SLC4A5: variants seen among roughly 807,000 people sequenced by gnomAD.
The protein encoded by SLC4A5 is electrogenic sodium bicarbonate cotransporter 4.
In SLC4A5, 96 loss-of-function variants were observed where a neutral mutation model predicts 120.4. That is an observed-to-expected ratio of 0.80 (90% CI 0.68 to 0.94). The LOEUF is 0.94. Ranked by LOEUF, SLC4A5 falls within the 40% of genes least tolerant of loss-of-function variation. The pLI, the probability that SLC4A5 is intolerant of heterozygous loss-of-function variation, is 0.00. For missense variants in SLC4A5, 1,259 were observed against 1,459.5 expected, an observed-to-expected ratio of 0.86 and a Z score of 2.24; for synonymous variants, 550 against 571.1, an observed-to-expected ratio of 0.96 and a Z score of 0.53.
chr2:74,331,264 A>T (rs1282325890), intron 4 of SLC4A5, among the ~76,000 whole-genome samples: 1 of 150,404 alleles, frequency 6.6e-6, no homozygotes, highest in Non-Finnish European at 1.5e-5. Context: ...TGAGGTCTAG[A>T]TGGAGGTGGT....
At chr2:74,291,308 G>A (rs1427527378) in intron 7 of SLC4A5, among the ~76,000 whole-genome samples, 3 of 152,352 alleles carry the variant, frequency 2.0e-5, no homozygotes, top group Admixed American at 6.5e-5. Flanking sequence ...CCTGGGTTTG[G>A]TTTAACAAGT....
intron 22 of SLC4A5, 136 bp from the exon 23 acceptor site, chr2:74,233,699 A>C (rs1573009576): frequency 9.9e-6 from 10 of 1,005,656 alleles, no homozygotes; most frequent in Non-Finnish European, 1.3e-5. Context: ...TCCCTTAAAC[A>C]CCTTAGGTAG....
intron 21 of SLC4A5, among the ~76,000 whole-genome samples, chr2:74,238,737 A>G (rs1670346215): frequency 6.6e-6 from 1 of 152,188 alleles, no homozygotes; most frequent in Admixed American, 6.5e-5. Context: ...AGGAAAAACA[A>G]TGAAGCTTTT....
At chr2:74,228,355 TG>T (rs1382683930) in intron 25 of SLC4A5, among the ~76,000 whole-genome samples, 3 of 152,076 alleles carry the variant, frequency 2.0e-5, no homozygotes, top group Non-Finnish European at 2.9e-5. Flanking sequence ...CGGCCGGGTG[TG>T]GTGGCTCACA....
At chr2:74,280,346 G>A (rs534493388) in intron 8 of SLC4A5, among the ~76,000 whole-genome samples, 8 of 152,150 alleles carry the variant, frequency 5.3e-5, no homozygotes, top group African/African-American at 1.7e-4. Flanking sequence ...ATGCCCCTAT[G>A]CTCTGCTTTC....
At chr2:74,246,922 A>C in intron 19 of SLC4A5, 114 bp downstream of exon 19, 1 of 1,361,090 alleles carries the variant, frequency 7.3e-7, no homozygotes, top group Admixed American at 1.9e-5. Context: ...TTGGAACTGT[A>C]AGCCCTTGGC....
chr2:74,254,592 G>A (rs1158295580), intron 14 of SLC4A5, 27 bp downstream of exon 14: 13 of 1,574,348 alleles, frequency 8.3e-6, no homozygotes, highest in Non-Finnish European at 1.1e-5. Flanking sequence ...TAAAATTCAG[G>A]AGTACAAGCT....
intron 14 of SLC4A5, 55 bp downstream of exon 14, chr2:74,254,564 T>A: frequency 7.3e-7 from 1 of 1,376,748 alleles, no homozygotes. Flanking sequence ...GAAGGTGCAG[T>A]GCTTGGTGCA....
chr2:74,269,997 C>A (rs1289486135), intron 8 of SLC4A5, among the ~76,000 whole-genome samples: 2 of 152,160 alleles, frequency 1.3e-5, no homozygotes, highest in African/African-American at 4.8e-5. Context: ...AAACATTAAC[C>A]CCATAGACAC....
intron 8 of SLC4A5, among the ~76,000 whole-genome samples, chr2:74,278,947 C>T (rs1436159222): frequency 6.6e-6 from 1 of 152,228 alleles, no homozygotes; most frequent in Non-Finnish European, 1.5e-5. Flanking sequence ...TTCCACCCCA[C>T]CTGTCTCCTC....
intron 3 of SLC4A5, among the ~76,000 whole-genome samples, chr2:74,336,005 G>A (rs368177408): frequency 6.6e-6 from 1 of 152,186 alleles, no homozygotes; most frequent in African/African-American, 2.4e-5. Context: ...GCTCAGGGCT[G>A]ACAGCTTTAC....
At chr2:74,341,410 G>A (rs1451531327) in intron 2 of SLC4A5, among the ~76,000 whole-genome samples, 1 of 152,060 alleles carries the variant, frequency 6.6e-6, no homozygotes, top group Non-Finnish European at 1.5e-5. Context: ...ATGGAACAGT[G>A]CACATTAGCT....
chr2:74,265,360 C>T, intron 8 of SLC4A5, 96 bp from the exon 9 acceptor site: 2 of 1,443,756 alleles, frequency 1.4e-6, no homozygotes, highest in Non-Finnish European at 1.9e-6. Context: ...TGGGTTCATG[C>T]TATGTATGTG....
At chr2:74,256,913 C>T (rs1396857264) in intron 12 of SLC4A5, among the ~76,000 whole-genome samples, 5 of 152,164 alleles carry the variant, frequency 3.3e-5, no homozygotes, top group African/African-American at 7.2e-5. Flanking sequence ...AGTGGGAAAG[C>T]GCCTGGGGGT....
chr2:74,304,728 G>A, intron 6 of SLC4A5, 48 bp from the exon 7 acceptor site: 1 of 1,551,838 alleles, frequency 6.4e-7, no homozygotes, highest in Non-Finnish European at 8.7e-7. Context: ...ACTGAAAATT[G>A]GCATTTTTTC....
chr2:74,275,640 C>T (rs1204004318), intron 8 of SLC4A5, among the ~76,000 whole-genome samples: 1 of 152,196 alleles, frequency 6.6e-6, no homozygotes, highest in African/African-American at 2.4e-5. Flanking sequence ...GTTGAGGAGA[C>T]CTCTCTTTCC....
rs1160111764 is a variant in SLC4A5 at position 74,248,503 on chromosome 2, T to C, written c.1654-17A>G. 7 of 1,613,548 alleles carry C rather than the reference T, an allele frequency of 4.3e-6. No homozygotes were observed. The highest frequency in any genetic ancestry group is 1.3e-5 in the African/African-American group (1 of 74,886). On this transcript the variant is annotated splice_polypyrimidine_tract_variant and intron_variant, in intron 17 of 30. Transcript: ENST00000394019. ...CATCACTCCCTGGGGGCACAAGGAA[T>C]GTGTGGTTCAGCATAGGAAGGAGAA... is the stretch of plus-strand genomic sequence containing the variant.
chr2:74,338,513 T>C (rs1367568803), intron 3 of SLC4A5, among the ~76,000 whole-genome samples: 1 of 152,168 alleles, frequency 6.6e-6, no homozygotes, highest in Non-Finnish European at 1.5e-5. Context: ...GCTGTATTTA[T>C]ATAACTTTAA....
chr2:74,224,743 A>G (rs1228115317), intron 28 of SLC4A5, 97 bp downstream of exon 28: 1 of 1,514,750 alleles, frequency 6.6e-7, no homozygotes, highest in East Asian at 2.3e-5. Flanking sequence ...GCACTGCTGC[A>G]GGCCACCCAA....
Sources: allele counts gnomAD v4.1 joint callset (sites outside exome capture counted in the v4.1 genomes callset), GRCh38; gene constraint gnomAD v4.1.1; transcripts MANE v1.5; gene names NCBI Gene and HGNC (gene_info 2026-07-23, HGNC 2026-07-21).